SMAD3: variants seen among roughly 807,000 people sequenced by gnomAD.
SMAD3 encodes MAD homolog 3.
A neutral mutation model predicts 51.8 loss-of-function variants in SMAD3; 12 were observed. The ratio of observed to expected loss-of-function variants is 0.23; its 90% CI spans 0.15 to 0.38. SMAD3 has a LOEUF of 0.38. SMAD3 is among the 10% of genes least tolerant of loss of function. SMAD3 has a pLI of 1.00. For synonymous variants in SMAD3, 238 were observed against 227.7 expected (o/e 1.05, Z -0.41); for missense variants, 294 against 565.6 (o/e 0.52, Z 4.87).
chr15:67,144,340 G>A (rs2140269121), intron 1 of SMAD3, among the ~76,000 whole-genome samples: 1 of 152,052 alleles, frequency 6.6e-6, no homozygotes, highest in Non-Finnish European at 1.5e-5. Flanking sequence ...GTGACTTTTT[G>A]TGGTTGGGTG....
intron 1 of SMAD3, chr15:67,099,032 C>T (rs1340295813): frequency 3.0e-6 from 2 of 659,544 alleles, no homozygotes; most frequent in Non-Finnish European, 5.4e-6. Context: ...TCTGTGAGTA[C>T]CCATGATAAT....
intron 1 of SMAD3, among the ~76,000 whole-genome samples, chr15:67,164,376 CCT>C (rs899541535): frequency 1.3e-5 from 2 of 150,580 alleles, no homozygotes; most frequent in Non-Finnish European, 1.5e-5. Flanking sequence ...CTTTTTTTCC[CCT>C]GACTTTCTAA....
In SMAD3 at chr15:67,165,296, C is replaced by T. The variant is rs563100221; in HGVS notation, c.444C>T (p.Ala148=). The change falls in exon 3 of 9, where the codon GCC becomes GCT. Residue 148 remains alanine (A), a synonymous_variant. Coordinates refer to ENST00000327367, the MANE Select transcript of SMAD3 (RefSeq NM_005902.4). ...TGCCACGCCACACAGAGATCCCGGC[C>T]GAGTTCCCCCCACTGGACGACTACA... ...VLVPRHTEIP[A]EFPPLDDYSH... The T allele has an allele frequency of 8.1e-6, 13 of 1,614,226 alleles. No homozygotes were observed. Among genetic ancestry groups the T allele is most frequent in the East Asian group, 4.5e-5 (2 of 44,874 alleles).
chr15:67,133,926 T>G (rs71398297), intron 1 of SMAD3, among the ~76,000 whole-genome samples: 9,022 of 152,184 alleles, frequency 0.059, 272 homozygotes, highest in Non-Finnish European at 0.071. Flanking sequence ...TCTGACTCCC[T>G]GGCCAGTGCT....
intron 1 of SMAD3, among the ~76,000 whole-genome samples, chr15:67,117,144 C>T (rs1318558636): frequency 1.3e-5 from 2 of 152,088 alleles, no homozygotes; most frequent in Non-Finnish European, 1.5e-5. Context: ...TCACGGCTGG[C>T]GTGTTTCGTG....
chr15:67,066,388 G>T, intron 1 of SMAD3, 28 bp downstream of exon 1: 2 of 1,593,292 alleles, frequency 1.3e-6, no homozygotes, highest in African/African-American at 2.7e-5. Context: ...GGGGACCCGG[G>T]GTCACGCCGG....
rs187151677 is a variant in SMAD3 at position 67,106,697 on chromosome 15, G to A, written c.206+40337G>A. 2.6e-5 allele frequency among the ~76,000 whole-genome samples: 4 copies of A among 152,228 alleles called. No individual in the cohort carries two copies. The East Asian group carries it at 7.7e-4, about 29-fold the overall frequency. ...TGTGGAGGACACTTATGCTGTGATGGCCCCACACACAGCTTCCTTTGGGGT... is the reference window on the plus strand; with the variant it reads ...TGTGGAGGACACTTATGCTGTGATGACCCCACACACAGCTTCCTTTGGGGT... On this transcript the variant is annotated intron_variant, in intron 1 of 8. Coordinates refer to ENST00000327367, the MANE Select transcript of SMAD3 (RefSeq NM_005902.4).
Position 67,191,361 on chromosome 15 carries a change from A to C in SMAD3, c.*825A>C, listed in dbSNP as rs1484510892. On this transcript the variant is annotated 3_prime_UTR_variant, in exon 9 of 9. Coordinates refer to ENST00000327367, the MANE Select transcript of SMAD3 (RefSeq NM_005902.4). ...ATGACGGTAAGTGTTCTCATGAAGC[A>C]GGAGGCCCTTGTCGTGGGATGGCAT... 2 of 233,370 alleles carry C rather than the reference A, an allele frequency of 8.6e-6. No homozygotes were observed. The highest frequency in any genetic ancestry group is 4.4e-5 in the African/African-American group (2 of 45,346). The allele number at this position is 233,370 out of a possible 1,614,324, so 14.5% of individuals were successfully genotyped here.
chr15:67,149,868 A>T (rs1296075225), intron 1 of SMAD3, among the ~76,000 whole-genome samples: 2 of 152,190 alleles, frequency 1.3e-5, no homozygotes, highest in Non-Finnish European at 2.9e-5. Context: ...TGTCATGCAA[A>T]TGCTGCATTT....
chr15:67,163,565 T>C (rs975374269), intron 1 of SMAD3, among the ~76,000 whole-genome samples: 7 of 152,158 alleles, frequency 4.6e-5, no homozygotes, highest in Admixed American at 4.6e-4. Flanking sequence ...ACCCAGACTC[T>C]CATCATCCAG....
chr15:67,068,305 A>G (rs1595883216), intron 1 of SMAD3, among the ~76,000 whole-genome samples: 1 of 152,224 alleles, frequency 6.6e-6, no homozygotes, highest in Non-Finnish European at 1.5e-5. Flanking sequence ...TCCTGAATAC[A>G]TTCTTTGCTG....
chr15:67,190,737 C>T lies in SMAD3; in HGVS notation c.*201C>T. ...GTTATGAACAGCTGTGTCTGCCAAA[C>T]ACATTTACCCTTTGGCCCCACTTTG... On this transcript the variant is annotated 3_prime_UTR_variant, in exon 9 of 9. Transcript: ENST00000327367. 2 of 620,538 alleles carry T rather than the reference C, an allele frequency of 3.2e-6. No homozygotes were observed. The highest frequency in any genetic ancestry group is 3.8e-5 in the South Asian group (2 of 52,322). 38.4% of individuals were successfully genotyped at this position (620,538 alleles called of 1,614,324 possible).
intron 1 of SMAD3, among the ~76,000 whole-genome samples, chr15:67,135,327 C>T (rs574984590): frequency 6.6e-6 from 1 of 152,340 alleles, no homozygotes; most frequent in South Asian, 2.1e-4. Flanking sequence ...CGGGCCCAGC[C>T]TGCCCCCTTC....
At chr15:67,187,564 A>G (rs1358361062) in intron 8 of SMAD3, 55 bp downstream of exon 8, 12 of 1,600,436 alleles carry the variant, frequency 7.5e-6, no homozygotes, top group African/African-American at 1.3e-5. Context: ...GACTCTGGAC[A>G]GCAGAGCAGG....
intron 1 of SMAD3, among the ~76,000 whole-genome samples, chr15:67,097,734 G>T (rs531869132): frequency 1.3e-5 from 2 of 152,154 alleles, no homozygotes; most frequent in South Asian, 4.1e-4. Context: ...TGCTAGCAAT[G>T]GTCATGATGG....
At chr15:67,125,959 G>T in intron 1 of SMAD3, 1 of 985,504 alleles carries the variant, frequency 1.0e-6, no homozygotes, top group Non-Finnish European at 1.2e-6. Context: ...CCCACACTCG[G>T]GCCTGTGTTG....
At chr15:67,097,400 TTG>T (rs760004963) in intron 1 of SMAD3, among the ~76,000 whole-genome samples, 7 of 150,588 alleles carry the variant, frequency 4.6e-5, no homozygotes, top group Non-Finnish European at 1.0e-4. Context: ...GTTTTTTTTG[TTG>T]TTGTTTTTTG....
intron 7 of SMAD3, chr15:67,187,153 T>G (rs1192774701): frequency 2.9e-6 from 2 of 688,120 alleles, no homozygotes; most frequent in South Asian, 1.5e-5. Context: ...CACCTCCCAG[T>G]GAGGAGATGG....
At chr15:67,102,008 G>A (rs2140225221) in intron 1 of SMAD3, among the ~76,000 whole-genome samples, 1 of 152,282 alleles carries the variant, frequency 6.6e-6, no homozygotes, top group Middle Eastern at 3.4e-3. Context: ...TGGGAAGCAG[G>A]GCTTGGAATG....
Sources: gnomAD v4.1 joint callset for allele counts (sites outside exome capture counted in the v4.1 genomes callset) on GRCh38, gnomAD v4.1.1 for gene constraint, MANE v1.5 for transcripts, NCBI Gene and HGNC (gene_info 2026-07-23, HGNC 2026-07-21) for gene names.